DIDO1: variants seen among roughly 807,000 people sequenced by gnomAD.
The protein encoded by DIDO1 is death inducer-obliterator 1.
Under a neutral mutation model 99.4 loss-of-function variants are expected in DIDO1, and 16 were observed. The ratio of observed to expected loss-of-function variants is 0.16; its 90% CI spans 0.11 to 0.24. The LOEUF (loss-of-function observed/expected upper bound fraction) is 0.24. Ranked by LOEUF, DIDO1 falls within the 10% of genes least tolerant of loss-of-function variation. The pLI is 1.00. For missense variants in DIDO1, 2,996 were observed against 3,014.0 expected (o/e 0.99, Z 0.14); for synonymous variants, 1,366 against 1,239.1 (o/e 1.10, Z -2.15).
At position 62,894,624 on chromosome 20, in the gene DIDO1, AG is replaced by A. The variant is rs749827478; in HGVS notation, c.2437-77del. The A allele has an allele frequency of 1.2e-4, 188 of 1,559,004 alleles. No homozygotes were observed. Among genetic ancestry groups the A allele is most frequent in the Non-Finnish European group, 1.5e-4 (176 of 1,156,810 alleles). On this transcript the variant is annotated intron_variant, in intron 10 of 15. Transcript: ENST00000395343. The surrounding 1 kb of genome is among the most constrained non-coding windows in gnomAD (Gnocchi z 4.4). The stretch of plus-strand genomic sequence containing the variant: ...CTCCAAATTAACCACACACAAGAAA[AG>A]CAGTCTCATGGGATTGAGACCCACG...
chr20:62,905,363 CCAGT>C (rs1600979259), intron 6 of DIDO1: 2 of 1,444,148 alleles, frequency 1.4e-6, no homozygotes, highest in Middle Eastern at 2.6e-4. Context: ...CCCTATCTGC[CCAGT>C]CAAAAATAAA....
intron 4 of DIDO1, among the ~76,000 whole-genome samples, chr20:62,908,657 A>G (rs1387574635): frequency 6.6e-6 from 1 of 152,222 alleles, no homozygotes; most frequent in African/African-American, 2.4e-5. Context: ...TTTATTGAGA[A>G]TACAATTTAG....
chr20:62,925,399 G>C (rs979751936), intron 1 of DIDO1, among the ~76,000 whole-genome samples: 1 of 152,218 alleles, frequency 6.6e-6, no homozygotes, highest in Middle Eastern at 3.4e-3. Flanking sequence ...GGAAACCATG[G>C]AACACGGGGT....
In DIDO1 at chr20:62,878,044, A is replaced by G. The variant is rs564283968; in HGVS notation, c.*1189T>C. ...AACATCTCAAACTGATACATTCTCA[A>G]TGTTTTCTTAACTTAAAAAATCTGT... is the stretch of plus-strand genomic sequence containing the variant. On this transcript the variant is annotated 3_prime_UTR_variant, in exon 16 of 16. Transcript: ENST00000395343. The G allele has an allele frequency of 1.3e-5, 2 of 152,326 alleles. No homozygotes were observed. Among genetic ancestry groups the G allele is most frequent in the South Asian group, 2.1e-4 (1 of 4,830 alleles). The allele number at this position is 152,326 out of a possible 1,614,324, so 9.4% of individuals were successfully genotyped here. A position where few individuals can be genotyped will look rare whatever the true frequency, so the allele number is the denominator to read the frequency against.
chr20:62,885,006 C>G (rs1480319552), intron 15 of DIDO1, among the ~76,000 whole-genome samples: 1 of 152,254 alleles, frequency 6.6e-6, no homozygotes, highest in Non-Finnish European at 1.5e-5. Context: ...CTCAGCACAA[C>G]AGCTATCTGT....
chr20:62,920,849 C>T (rs1389718382), intron 1 of DIDO1, among the ~76,000 whole-genome samples: 1 of 152,208 alleles, frequency 6.6e-6, no homozygotes, highest in Admixed American at 6.5e-5. Context: ...TCATTGAAAA[C>T]AGGTTCCACT....
At chr20:62,924,074 T>C (rs1403188575) in intron 1 of DIDO1, among the ~76,000 whole-genome samples, 1 of 152,274 alleles carries the variant, frequency 6.6e-6, no homozygotes, top group Non-Finnish European at 1.5e-5. Context: ...GACTTTGTTC[T>C]TTGACCTCCT....
At chr20:62,926,114 G>A (rs1381813229) in intron 1 of DIDO1, among the ~76,000 whole-genome samples, 2 of 152,002 alleles carry the variant, frequency 1.3e-5, no homozygotes, top group Non-Finnish European at 2.9e-5. Flanking sequence ...CCCGCGAGCG[G>A]CCGCCCCGAC....
Position 62,881,948 on chromosome 20 carries a change from G to C in DIDO1, c.4008C>G (p.Pro1336=), listed in dbSNP as rs145621116. ...KSFDPSAREP[P]GSTAGLPQEP... ...CCTGGGGGAGACCTGCGGTGGACCC[G>C]GGAGGCTCTCTGGCGGACGGGTCGA... The change falls in exon 16 of 16, where the codon CCC becomes CCG. Residue 1336 remains proline, a synonymous_variant. Coordinates refer to ENST00000395343, the MANE Select transcript of DIDO1 (RefSeq NM_001193369.2). This position sits in a 1 kb window ranked among gnomAD's most constrained non-coding sequence, Gnocchi z 8.3. 5.0e-6 allele frequency: 8 copies of C among 1,613,250 alleles called. No homozygotes were observed. The highest frequency in any genetic ancestry group is 3.3e-4 in the Middle Eastern group (2 of 6,084).
At chr20:62,933,187 G>A (rs2147612327) in intron 1 of DIDO1, among the ~76,000 whole-genome samples, 1 of 152,230 alleles carries the variant, frequency 6.6e-6, no homozygotes, top group South Asian at 2.1e-4. Flanking sequence ...CTCCAGCCTG[G>A]GCAACAAGAG....
At position 62,894,093 on chromosome 20, in the gene DIDO1, G is replaced by A. The variant is rs1181763086; in HGVS notation, c.2674C>T (p.Pro892Ser). 1.9e-6 allele frequency: 3 copies of A among 1,614,212 alleles called. No individual in the cohort carries two copies. The highest frequency in any genetic ancestry group is 1.1e-5 in the South Asian group (1 of 91,084). ...TCAGCTGAATCCGGAGCTGGGTCAG[G>A]TGCAGAGCTGTCATGCTTTGATTTT... ...DLKSKHDSSA[P>S]DPAPDSADEV... is the part of the protein sequence containing the mutation. The change falls in exon 12 of 16, where the codon CCT (proline) becomes TCT (serine). Residue 892 changes from proline to serine, a missense_variant. Pro to Ser is a moderately conservative substitution (Grantham distance 74). This residue lies in a region of DIDO1 where 898 missense variants were observed against 972.7 expected (regional missense o/e 0.92). Transcript: ENST00000395343. This position sits in a 1 kb window ranked among gnomAD's most constrained non-coding sequence, Gnocchi z 4.4.
intron 13 of DIDO1, 113 bp downstream of exon 13, chr20:62,892,696 A>G: frequency 7.3e-7 from 1 of 1,374,786 alleles, no homozygotes; most frequent in Non-Finnish European, 9.7e-7. Context: ...AGTGTCAGGC[A>G]TTTCTGTTTC....
At position 62,911,297 on chromosome 20, in the gene DIDO1, C is replaced by T; in HGVS notation, c.316G>A (p.Asp106Asn). The change falls in exon 3 of 16, where the codon GAC (aspartate) becomes AAC (asparagine). Residue 106 changes from aspartate to asparagine, a missense_variant. Around this residue, in one of 5 missense-constraint regions of DIDO1, gnomAD observed 388 missense variants for 376.6 expected, o/e 1.03. Transcript: ENST00000395343. This position sits in a 1 kb window ranked among gnomAD's most constrained non-coding sequence, Gnocchi z 7.0. The stretch of plus-strand genomic sequence containing the variant: ...CTGCCCTCGGAGGCTGTCTCGGCGT[C>T]TGTGGCGGGGCAGGACGTGGGCTCA... ...SGEPTSCPAT[D>N]AETASEGSVE... 1.2e-6 allele frequency: 2 copies of T among 1,611,374 alleles called. No individual in the cohort carries two copies. The highest frequency in any genetic ancestry group is 1.7e-5 in the Admixed American group (1 of 60,032).
chr20:62,935,873 G>C (rs886076945), intron 1 of DIDO1, among the ~76,000 whole-genome samples: 3 of 152,248 alleles, frequency 2.0e-5, no homozygotes, highest in African/African-American at 4.8e-5. Flanking sequence ...AAAAAGCAAA[G>C]ATGATGGCTT....
intron 1 of DIDO1, among the ~76,000 whole-genome samples, chr20:62,914,990 C>T (rs1411120325): frequency 1.3e-5 from 2 of 152,158 alleles, no homozygotes; most frequent in Admixed American, 6.6e-5. Flanking sequence ...CTCTCTCAAC[C>T]AGTCACATCA....
At position 62,878,146 on chromosome 20, in the gene DIDO1, A is replaced by G. The variant is rs752131268; in HGVS notation, c.*1087T>C. ...AGAACAAGTGAAGTTCTTTAATTTT[A>G]CATCTGTAAAAGTTTATGAAAATAT... On this transcript the variant is annotated 3_prime_UTR_variant, in exon 16 of 16. Transcript: ENST00000395343. The G allele has an allele frequency of 4.6e-5, 7 of 152,266 alleles. No individual in the cohort carries two copies. Among genetic ancestry groups the G allele is most frequent in the Non-Finnish European group, 5.9e-5 (4 of 68,042 alleles). 9.4% of individuals were successfully genotyped at this position (152,266 alleles called of 1,614,324 possible).
At chr20:62,891,719 C>T (rs565188488) in intron 14 of DIDO1, among the ~76,000 whole-genome samples, 14 of 152,134 alleles carry the variant, frequency 9.2e-5, no homozygotes, top group Admixed American at 2.6e-4. Context: ...ACTTCTACCG[C>T]GGCACACTCA....
At chr20:62,927,016 C>T (rs1356087829), upstream of DIDO1, among the ~76,000 whole-genome samples, 1 of 151,924 alleles carries the variant, frequency 6.6e-6, no homozygotes, top group African/African-American at 2.4e-5. Flanking sequence ...CAGCGAGGGG[C>T]GAGGTCCAGG....
chr20:62,909,548 G>T, intron 4 of DIDO1, 151 bp downstream of exon 4: 1 of 789,600 alleles, frequency 1.3e-6, no homozygotes, highest in Non-Finnish European at 2.0e-6. Context: ...AAAATAGAAA[G>T]GCCTCACCCA....
Sources: gnomAD v4.1 joint callset for allele counts (sites outside exome capture counted in the v4.1 genomes callset) on GRCh38, gnomAD v4.1.1 for gene constraint, gnomAD v4.1.1 regional missense constraint, Gnocchi (gnomAD v3.1) non-coding constraint, MANE v1.5 for transcripts, NCBI Gene and HGNC (gene_info 2026-07-23, HGNC 2026-07-21) for gene names.